BCR: variants seen among roughly 807,000 people sequenced by gnomAD.
BCR encodes breakpoint cluster region protein.
BCR carries 58 observed loss-of-function variants against 138.6 expected under a neutral mutation model. That is an observed-to-expected ratio of 0.42 (90% CI 0.34 to 0.52). The LOEUF is 0.52. BCR is among the 20% of genes least tolerant of loss of function. The pLI, the probability that BCR is intolerant of heterozygous loss-of-function variation, is 0.06. For synonymous variants in BCR, 786 were observed against 730.1 expected (o/e 1.08, Z -1.23); for missense variants, 1,599 against 1,727.2 (o/e 0.93, Z 1.32).
chr22:23,198,926 G>T (rs545653834), intron 1 of BCR, among the ~76,000 whole-genome samples: 1 of 152,076 alleles, frequency 6.6e-6, no homozygotes, highest in East Asian at 1.9e-4. Context: ...TCAAGACCAG[G>T]CTGGCCAACA....
intron 21 of BCR, 103 bp downstream of exon 21, chr22:23,314,176 A>C (rs1602138047): frequency 3.2e-6 from 3 of 941,216 alleles, no homozygotes; most frequent in Non-Finnish European, 5.0e-6. Flanking sequence ...TTTTCTCCTG[A>C]CCCTTGTCTG....
chr22:23,228,825 G>C (rs944567553), intron 1 of BCR, among the ~76,000 whole-genome samples: 2 of 151,978 alleles, frequency 1.3e-5, no homozygotes, highest in African/African-American at 4.8e-5. Context: ...ATTATGATAT[G>C]TCTGGCTGTA....
chr22:23,264,163 A>G (rs2073408371), intron 4 of BCR: 1 of 1,470,274 alleles, frequency 6.8e-7, no homozygotes, highest in East Asian at 2.3e-5. Context: ...ACAGATGGCA[A>G]CCACTTGCTT....
At chr22:23,218,346 C>G (rs1464706888) in intron 1 of BCR, among the ~76,000 whole-genome samples, 1 of 152,240 alleles carries the variant, frequency 6.6e-6, no homozygotes, top group East Asian at 1.9e-4. Context: ...CCCTAACCCA[C>G]CGGGTTTAAA....
chr22:23,268,587 CAG>C (rs1358393902), intron 5 of BCR, 72 bp downstream of exon 5: 23 of 1,236,998 alleles, frequency 1.9e-5, no homozygotes, highest in Non-Finnish European at 2.4e-5. Flanking sequence ...CCGAGGAGAA[CAG>C]AGTGCACCAG....
At chr22:23,196,877 C>T (rs943465907) in intron 1 of BCR, among the ~76,000 whole-genome samples, 5 of 152,204 alleles carry the variant, frequency 3.3e-5, no homozygotes, top group African/African-American at 7.2e-5. Flanking sequence ...TCCAGCTCTG[C>T]GGCCCAGTTC....
chr22:23,250,791 C>G (rs922747528), intron 1 of BCR, among the ~76,000 whole-genome samples: 2 of 152,194 alleles, frequency 1.3e-5, no homozygotes, highest in Admixed American at 1.3e-4. Context: ...GAGTTGGAGA[C>G]TAGCCTAGGC....
At chr22:23,281,457 C>T (rs978880314) in intron 8 of BCR, among the ~76,000 whole-genome samples, 1 of 152,216 alleles carries the variant, frequency 6.6e-6, no homozygotes. Context: ...TACTCCAGGC[C>T]GGGGACCAGG....
chr22:23,249,651 G>A (rs2047859034), intron 1 of BCR, among the ~76,000 whole-genome samples: 2 of 151,974 alleles, frequency 1.3e-5, no homozygotes, highest in African/African-American at 4.8e-5. Context: ...GTGAAAAACT[G>A]CGTTTTGAAA....
At chr22:23,283,290 A>G (rs1293617717) in intron 8 of BCR, 1 of 152,288 alleles carries the variant, frequency 6.6e-6, no homozygotes, top group African/African-American at 2.4e-5. Context: ...GCCCGTGCAC[A>G]CCGGGGACCC....
At chr22:23,298,326 C>T (rs2073867812) in intron 16 of BCR, among the ~76,000 whole-genome samples, 1 of 152,128 alleles carries the variant, frequency 6.6e-6, no homozygotes, top group Non-Finnish European at 1.5e-5. Flanking sequence ...GGGGTTCTGG[C>T]TAAACGGACT....
intron 1 of BCR, among the ~76,000 whole-genome samples, chr22:23,183,514 C>G (rs570402656): frequency 1.3e-5 from 2 of 152,192 alleles, no homozygotes; most frequent in African/African-American, 4.8e-5. Flanking sequence ...TCCGACCTGC[C>G]GTCTGGCCGG....
At chr22:23,313,853 A>G in intron 20 of BCR, 115 bp from the exon 21 acceptor site, 1 of 871,824 alleles carries the variant, frequency 1.1e-6, no homozygotes, top group South Asian at 1.3e-5. Context: ...GAGACTGAGG[A>G]TGATGACGAG....
chr22:23,242,491 T>G (rs1478984172), intron 1 of BCR, among the ~76,000 whole-genome samples: 1 of 152,044 alleles, frequency 6.6e-6, no homozygotes, highest in Non-Finnish European at 1.5e-5. Flanking sequence ...TCCGGTGTAT[T>G]TTGGGATGGC....
chr22:23,269,632 T>TG (rs1001803899), intron 5 of BCR, among the ~76,000 whole-genome samples: 11 of 152,290 alleles, frequency 7.2e-5, no homozygotes, highest in Middle Eastern at 6.8e-3. Context: ...CTCCGCCAGG[T>TG]GCTGCTGGTA....
intron 8 of BCR, among the ~76,000 whole-genome samples, chr22:23,274,864 C>T (rs1215207083): frequency 1.4e-5 from 2 of 143,724 alleles, no homozygotes; most frequent in Non-Finnish European, 3.0e-5. Context: ...GCCGAGATCT[C>T]ACCACTGCAC....
intron 1 of BCR, chr22:23,243,105 C>T (rs2073114859): frequency 4.0e-6 from 1 of 250,342 alleles, no homozygotes; most frequent in African/African-American, 2.3e-5. Flanking sequence ...GGCACAAGCT[C>T]CTAAAATCAT....
rs766124888 is a variant in BCR at position 23,253,817 on chromosome 22, C to G, written c.1298C>G (p.Pro433Arg). 2.5e-6 allele frequency: 4 copies of G among 1,612,378 alleles called. No individual in the cohort carries two copies. Among genetic ancestry groups the G allele is most frequent in the Non-Finnish European group, 3.4e-6 (4 of 1,179,388 alleles). ...HGDADGSFGT[P>R]PGYGCAADRA... ...CACACAGATGGCTCGTTCGGAACAC[C>G]ACCTGGATACGGCTGCGCTGCAGAC... Residue 433 changes from proline to arginine, a missense_variant, in exon 2 of 23, where the codon CCA (proline) becomes CGA (arginine). Coordinates refer to ENST00000305877, the MANE Select transcript of BCR (RefSeq NM_004327.4).
chr22:23,272,236 G>A (rs1436590201), intron 6 of BCR, among the ~76,000 whole-genome samples: 4 of 152,226 alleles, frequency 2.6e-5, no homozygotes, highest in Admixed American at 2.6e-4. Flanking sequence ...CTGGGAAAGT[G>A]CTGTCAGGAA....
Sources: gnomAD v4.1 joint callset for allele counts (sites outside exome capture counted in the v4.1 genomes callset) on GRCh38, gnomAD v4.1.1 for gene constraint, MANE v1.5 for transcripts, NCBI Gene and HGNC (gene_info 2026-07-23, HGNC 2026-07-21) for gene names.